The following BRD1 variants were observed in gnomAD, a reference collection of about 807,000 sequenced individuals.
BRD1 encodes the protein bromodomain containing 1, also known as bromodomain-containing protein 1.
BRD1 carries 24 observed loss-of-function variants against 107.7 expected under a neutral mutation model. The ratio of observed to expected loss-of-function variants is 0.22; its 90% CI spans 0.16 to 0.31. The LOEUF (loss-of-function observed/expected upper bound fraction) is 0.31. Ranked by LOEUF, BRD1 falls within the 10% of genes least tolerant of loss-of-function variation. The pLI is 1.00. For missense variants in BRD1, 1,279 were observed against 1,638.6 expected (o/e 0.78, Z 3.79); for synonymous variants, 744 against 686.1 (o/e 1.08, Z -1.32).
At chr22:49,825,358 A>G (rs1337746940) in intron 1 of BRD1, among the ~76,000 whole-genome samples, 2 of 152,144 alleles carry the variant, frequency 1.3e-5, no homozygotes, top group Admixed American at 1.3e-4. Flanking sequence ...GTGCCTGAAG[A>G]CTTGGCCACA....
At position 49,783,508 on chromosome 22, in the gene BRD1, C is replaced by T. The variant is rs2059257430; in HGVS notation, c.2857+3882G>A. On this transcript the variant is annotated intron_variant, in intron 8 of 12. Coordinates refer to ENST00000404760, the MANE Select transcript of BRD1 (RefSeq NM_001304808.3). The surrounding 1 kb of genome is among the most constrained non-coding windows in gnomAD (Gnocchi z 4.2). Reference sequence around the variant, plus strand: ...ACAGCACAACGCGCCTGGGCATGGCCGTCACACCCAAACCACCAGTCACTA... The same window carrying T: ...ACAGCACAACGCGCCTGGGCATGGCTGTCACACCCAAACCACCAGTCACTA... Among the ~76,000 whole-genome samples the T allele has an allele frequency of 1.3e-5, 2 of 152,252 alleles. No homozygotes were observed. The highest frequency in any genetic ancestry group is 4.8e-5 in the African/African-American group (2 of 41,458).
chr22:49,820,248 A>G (rs2060039919), intron 2 of BRD1, among the ~76,000 whole-genome samples: 1 of 152,242 alleles, frequency 6.6e-6, no homozygotes. Context: ...TCCACAGGGA[A>G]TAAGGAAGAT....
intron 2 of BRD1, chr22:49,806,634 G>C (rs1335323467): frequency 1.3e-5 from 2 of 152,194 alleles, no homozygotes; most frequent in African/African-American, 4.8e-5. Context: ...CGGCAATACG[G>C]GCAAGATGAA....
chr22:49,810,674 A>G (rs1435259496), intron 2 of BRD1, among the ~76,000 whole-genome samples: 2 of 152,216 alleles, frequency 1.3e-5, no homozygotes, highest in Non-Finnish European at 2.9e-5. Context: ...CTGAACAGAC[A>G]TTTCTCCAAA....
rs1679375712 is a variant in BRD1, at chr22:49,824,482, A to G, written c.-14-151T>C. On this transcript the variant is annotated intron_variant, in intron 1 of 12. Coordinates refer to ENST00000404760, the MANE Select transcript of BRD1 (RefSeq NM_001304808.3). This position sits in a 1 kb window ranked among gnomAD's most constrained non-coding sequence, Gnocchi z 5.9. ...CTAACCTCTTTCCAAGGTGTCCAAAACCACACATCCAGGCCTGAGCGAGTC... is the reference window on the plus strand; with the variant it reads ...CTAACCTCTTTCCAAGGTGTCCAAAGCCACACATCCAGGCCTGAGCGAGTC... 6.9e-7 allele frequency: 1 copy of G among 1,440,352 alleles called. No individual in the cohort carries two copies. Among genetic ancestry groups the G allele is most frequent in the Non-Finnish European group, 9.1e-7 (1 of 1,103,800 alleles). The allele number at this position is 1,440,352 out of a possible 1,614,324, so 89.2% of individuals were successfully genotyped here. A position where few individuals can be genotyped will look rare whatever the true frequency, so the allele number is the denominator to read the frequency against.
intron 8 of BRD1, among the ~76,000 whole-genome samples, chr22:49,780,579 C>T (rs1314104979): frequency 1.3e-5 from 2 of 152,086 alleles, no homozygotes; most frequent in African/African-American, 2.4e-5. Context: ...AGACACATCC[C>T]GGGAGGCTCT....
Position 49,787,393 on chromosome 22 carries a change from C to T in BRD1, c.2854G>A (p.Ala952Thr), listed in dbSNP as rs1453676903. 12 of 1,581,028 alleles carry T rather than the reference C, an allele frequency of 7.6e-6. No individual in the cohort carries two copies. Among genetic ancestry groups the T allele is most frequent in the East Asian group, 2.4e-5 (1 of 41,302 alleles). ...CAGGGCCGCCCGCGGCATTTACCTG[C>T]GTCCAGGCGCTTTCCTGGGGACTCC... ...EEESPGKRLD[A>T]GLTNGFGGAR... The change falls in exon 8 of 13, where the codon GCA (alanine) becomes ACA (threonine). Residue 952 changes from alanine (A) to threonine (T), a missense_variant. By Grantham distance (58) the Ala-to-Thr change is moderately conservative (BLOSUM62 0). This residue lies in a region of BRD1 where 263 missense variants were observed against 251.6 expected (regional missense o/e 1.05). Transcript: ENST00000404760.
At chr22:49,819,260 A>AG (rs779221802) in intron 2 of BRD1, among the ~76,000 whole-genome samples, 6 of 151,934 alleles carry the variant, frequency 3.9e-5, no homozygotes, top group Non-Finnish European at 8.8e-5. Context: ...GCTTCATCTC[A>AG]GGAAAAAAAA....
At chr22:49,789,551 A>C (rs1485530044) in intron 7 of BRD1, among the ~76,000 whole-genome samples, 1 of 150,294 alleles carries the variant, frequency 6.7e-6, no homozygotes, top group Non-Finnish European at 1.5e-5. Flanking sequence ...TGCAATCCCA[A>C]TGGCCTCTGC....
intron 2 of BRD1, among the ~76,000 whole-genome samples, chr22:49,816,467 C>T (rs1321978003): frequency 1.3e-5 from 2 of 152,176 alleles, no homozygotes; most frequent in African/African-American, 4.8e-5. Context: ...CTGAGGACGG[C>T]TGTGCAGGTC....
Position 49,824,433 on chromosome 22 carries a change from G to A in BRD1, c.-14-102C>T. On this transcript the variant is annotated intron_variant, in intron 1 of 12. Coordinates refer to ENST00000404760, the MANE Select transcript of BRD1 (RefSeq NM_001304808.3). The surrounding 1 kb of genome is among the most constrained non-coding windows in gnomAD (Gnocchi z 5.9). ...GACAGATCTAGCTCAGCAGCTCAAA[G>A]CCCAATCAAAGCAAAACTCACAGCT... is the stretch of plus-strand genomic sequence containing the variant. 3 of 1,492,928 alleles carry A rather than the reference G, an allele frequency of 2.0e-6. No individual in the cohort carries two copies. Among genetic ancestry groups the A allele is most frequent in the Admixed American group, 2.4e-5 (1 of 42,024 alleles). The allele number at this position is 1,492,928 out of a possible 1,614,324, so 92.5% of individuals were successfully genotyped here.
chr22:49,816,853 C>G (rs968847229), intron 2 of BRD1, among the ~76,000 whole-genome samples: 4 of 152,244 alleles, frequency 2.6e-5, no homozygotes, highest in Non-Finnish European at 4.4e-5. Flanking sequence ...AGTAAACAGA[C>G]ACTCTCTGGA....
At position 49,774,171 on chromosome 22, in the gene BRD1, A is replaced by G; in HGVS notation, c.*62T>C. The G allele has an allele frequency of 6.7e-7, 1 of 1,492,418 alleles. No individual in the cohort carries two copies. The highest frequency in any genetic ancestry group is 1.4e-5 in the African/African-American group (1 of 70,660). The allele number at this position is 1,492,418 out of a possible 1,614,324, so 92.4% of individuals were successfully genotyped here. A position where few individuals can be genotyped will look rare whatever the true frequency, so the allele number is the denominator to read the frequency against. Reference sequence around the variant, plus strand: ...AATCAGAATAAGTTAAGTTTTGAACAATATACAAACATGTACAGCTTATCA... The same window carrying G: ...AATCAGAATAAGTTAAGTTTTGAACGATATACAAACATGTACAGCTTATCA... On this transcript the variant is annotated 3_prime_UTR_variant, in exon 13 of 13. Coordinates refer to ENST00000404760, the MANE Select transcript of BRD1 (RefSeq NM_001304808.3).
chr22:49,823,941 T>G lies in BRD1; in HGVS notation c.377A>C (p.Glu126Ala). 1 of 1,614,176 alleles carries G rather than the reference T, an allele frequency of 6.2e-7. No individual in the cohort carries two copies. The highest frequency in any genetic ancestry group is 1.1e-5 in the South Asian group (1 of 91,088). ...ALPEPKVRIV[E>A]YSPPSAPRRP... Reference sequence around the variant, plus strand: ...CCTGGGGGCGGACGGAGGGCTGTACTCCACGATGCGCACCTTGGGCTCCGG... The same window carrying G: ...CCTGGGGGCGGACGGAGGGCTGTACGCCACGATGCGCACCTTGGGCTCCGG... The change falls in exon 2 of 13, where the codon GAG (glutamate) becomes GCG (alanine). Residue 126 changes from glutamate to alanine, a missense_variant. Physicochemically the swap from Glu to Ala is moderately radical, Grantham distance 107 (BLOSUM62 -1). Transcript: ENST00000404760.
At chr22:49,786,447 TCAA>T (rs2059326671) in intron 8 of BRD1, among the ~76,000 whole-genome samples, 3 of 152,212 alleles carry the variant, frequency 2.0e-5, no homozygotes, top group Admixed American at 6.5e-5. Context: ...ACCGAGGAAT[TCAA>T]CAGAGTTCAG....
intron 11 of BRD1, 47 bp from the exon 12 acceptor site, chr22:49,775,792 A>T: frequency 6.7e-7 from 1 of 1,499,582 alleles, no homozygotes; most frequent in Non-Finnish European, 8.9e-7. Context: ...TCACACCCAT[A>T]AACAACCCCA....
At chr22:49,775,815 A>ACACCCCC in intron 11 of BRD1, 70 bp from the exon 12 acceptor site, 1 of 1,141,502 alleles carries the variant, frequency 8.8e-7, no homozygotes, top group Admixed American at 2.9e-5. Flanking sequence ...TGTCACTGGC[A>ACACCCCC]CCCCCCCCCG....
chr22:49,776,169 G>GGGGCGTCAGCAGGACAC lies in BRD1; in HGVS notation c.3122-27_3122-11dup, dbSNP rs1317087221. On this transcript the variant is annotated splice_polypyrimidine_tract_variant and intron_variant, in intron 10 of 12. Coordinates refer to ENST00000404760, the MANE Select transcript of BRD1 (RefSeq NM_001304808.3). ...CTGCTCTGGCCGACTTCTGCGGAGA[G>GGGGCGTCAGCAGGACAC]GGGCGTCAGCAGGACACAGGCGTCA... 14 of 1,601,234 alleles carry GGGGCGTCAGCAGGACAC rather than the reference G, an allele frequency of 8.7e-6. No homozygotes were observed. The highest frequency in any genetic ancestry group is 3.3e-5 in the Admixed American group (2 of 59,910).
chr22:49,827,208 G>A (rs939919030), intron 1 of BRD1, among the ~76,000 whole-genome samples: 6 of 150,022 alleles, frequency 4.0e-5, no homozygotes, highest in Non-Finnish European at 8.9e-5. Flanking sequence ...AGCCCGACTC[G>A]GCCTCCCTCG....
Sources: gnomAD v4.1 joint callset for allele counts (sites outside exome capture counted in the v4.1 genomes callset) on GRCh38, gnomAD v4.1.1 for gene constraint, gnomAD v4.1.1 regional missense constraint, Gnocchi (gnomAD v3.1) non-coding constraint, MANE v1.5 for transcripts, NCBI Gene and HGNC (gene_info 2026-07-23, HGNC 2026-07-21) for gene names.